The following MYLK variants were observed in gnomAD, a reference collection of about 807,000 sequenced individuals.
MYLK encodes the protein myosin light chain kinase, smooth muscle.
A neutral mutation model predicts 203.4 loss-of-function variants in MYLK; 106 were observed. The ratio of observed to expected loss-of-function variants is 0.52; its 90% CI spans 0.45 to 0.61. The LOEUF (loss-of-function observed/expected upper bound fraction) is 0.61, where lower values mean the gene tolerates loss of function less well. Ranked by LOEUF, MYLK falls within the 20% of genes least tolerant of loss-of-function variation. The pLI, the probability that MYLK is intolerant of heterozygous loss-of-function variation, is 0.00. For missense variants in MYLK, 2,072 were observed against 2,442.3 expected, an observed-to-expected ratio of 0.85 and a Z score of 3.20; for synonymous variants, 867 against 959.5, an observed-to-expected ratio of 0.90 and a Z score of 1.78.
At chr3:123,694,751 G>A (rs933581737) in intron 18 of MYLK, among the ~76,000 whole-genome samples, 5 of 152,266 alleles carry the variant, frequency 3.3e-5, no homozygotes, top group East Asian at 1.9e-4. Flanking sequence ...AAGGCATGGG[G>A]CAGGCAGCTT....
chr3:123,725,336 T>C (rs544182327), intron 12 of MYLK, among the ~76,000 whole-genome samples: 1 of 152,150 alleles, frequency 6.6e-6, no homozygotes, highest in African/African-American at 2.4e-5. Flanking sequence ...ACTGTTGAAA[T>C]TAAATGGTCC....
chr3:123,734,046 G>A lies in MYLK; in HGVS notation c.950C>T (p.Pro317Leu). 6.2e-7 allele frequency: 1 copy of A among 1,614,070 alleles called. No homozygotes were observed. Among genetic ancestry groups the A allele is most frequent in the South Asian group, 1.1e-5 (1 of 91,068 alleles). Residue 317 changes from proline to leucine, a missense_variant, in exon 10 of 34, where the codon CCA (proline) becomes CTA (leucine). Physicochemically the swap from Pro to Leu is moderately conservative, Grantham distance 98. This residue lies in a region of MYLK where 683 missense variants were observed against 643.8 expected (regional missense o/e 1.06). Coordinates refer to ENST00000360304, the MANE Select transcript of MYLK (RefSeq NM_053025.4). ...GCATGACTCCAGCTTGGACTCCCTT[G>A]GGGGCTGAGGCTGGCTGTTTGCAGC... ...PWAANSQPQP[P>L]RESKLESCKD...
rs545806868 is a variant in MYLK at position 123,739,061 on chromosome 3, C to G, written c.424G>C (p.Asp142His). ...GQPVVSKTLGDRFSAPAVETR... is the reference protein window; with the variant it reads ...GQPVVSKTLGHRFSAPAVETR... ...TCCACTGCTGGAGCTGAAAATCTAT[C>G]CCTGTAAGGAAATTGGCAGAGAATC... The change falls in exon 7 of 34, where the codon GAT (aspartate) becomes CAT (histidine). Residue 142 changes from aspartate (D) to histidine (H), a missense_variant and splice_region_variant. Transcript: ENST00000360304. 1 of 1,613,726 alleles carries G rather than the reference C, an allele frequency of 6.2e-7. No homozygotes were observed. Among genetic ancestry groups the G allele is most frequent in the African/African-American group, 1.3e-5 (1 of 75,038 alleles).
chr3:123,665,686 T>G (rs2059711887), intron 22 of MYLK, among the ~76,000 whole-genome samples: 2 of 152,238 alleles, frequency 1.3e-5, no homozygotes, highest in African/African-American at 4.8e-5. Flanking sequence ...CAAACATTGT[T>G]CCATAGGAAC....
intron 18 of MYLK, among the ~76,000 whole-genome samples, chr3:123,696,706 C>A (rs1256560151): frequency 2.6e-5 from 4 of 152,134 alleles, no homozygotes; most frequent in African/African-American, 9.7e-5. Flanking sequence ...GGCTACTACG[C>A]TAGTCTAGGC....
intron 4 of MYLK, among the ~76,000 whole-genome samples, chr3:123,766,334 C>G (rs1482510344): frequency 1.3e-5 from 2 of 152,232 alleles, no homozygotes; most frequent in African/African-American, 4.8e-5. Context: ...ACCACACAGG[C>G]TCCAGGCCGC....
chr3:123,643,828 G>A (rs2058920572), intron 27 of MYLK, among the ~76,000 whole-genome samples: 1 of 152,252 alleles, frequency 6.6e-6, no homozygotes, highest in African/African-American at 2.4e-5. Context: ...CTTGCCCTAT[G>A]GCAGCCAGCT....
At chr3:123,659,196 G>A (rs1042709374) in intron 23 of MYLK, among the ~76,000 whole-genome samples, 3 of 152,208 alleles carry the variant, frequency 2.0e-5, no homozygotes, top group African/African-American at 7.2e-5. Flanking sequence ...GAAGAGGGAT[G>A]GAAGACAGAC....
chr3:123,660,825 T>G (rs1165436564), intron 23 of MYLK, among the ~76,000 whole-genome samples: 1 of 152,244 alleles, frequency 6.6e-6, no homozygotes, highest in Non-Finnish European at 1.5e-5. Flanking sequence ...ATTTTACATC[T>G]GCTTAATAAA....
At chr3:123,766,951 A>G (rs888528826) in intron 4 of MYLK, among the ~76,000 whole-genome samples, 19 of 152,162 alleles carry the variant, frequency 1.2e-4, no homozygotes, top group Non-Finnish European at 4.4e-5. Context: ...GGGGAGCACC[A>G]AAGGGGTCAG....
At position 123,747,686 on chromosome 3, in the gene MYLK, C is replaced by T. The variant is rs76054603; in HGVS notation, c.373+4645G>A. On this transcript the variant is annotated intron_variant, in intron 5 of 33. Coordinates refer to ENST00000360304, the MANE Select transcript of MYLK (RefSeq NM_053025.4). The stretch of plus-strand genomic sequence containing the variant: ...TCAGCATCTGCATTTCAACCAGATT[C>T]GCCAGGTGATTTCTGTGCACATGCA... 2.7e-3 allele frequency among the ~76,000 whole-genome samples: 413 copies of T among 152,330 alleles called. 3 individuals are homozygous for T. The highest frequency in any genetic ancestry group is 7.6e-3 in the African/African-American group (315 of 41,580).
chr3:123,701,262 C>G (rs1264566656), intron 17 of MYLK, among the ~76,000 whole-genome samples, 176 bp downstream of exon 17: 2 of 143,622 alleles, frequency 1.4e-5, no homozygotes, highest in Non-Finnish European at 3.1e-5. Flanking sequence ...AAAAAATCAC[C>G]CCCTCCTTCC....
At chr3:123,756,116 T>C (rs1030778707) in intron 4 of MYLK, among the ~76,000 whole-genome samples, 1 of 152,222 alleles carries the variant, frequency 6.6e-6, no homozygotes, top group Non-Finnish European at 1.5e-5. Context: ...AAATGGCAGA[T>C]TGGAGACCAT....
chr3:123,617,671 T>C (rs1034345773), intron 33 of MYLK: 5 of 152,356 alleles, frequency 3.3e-5, no homozygotes, highest in Middle Eastern at 3.4e-3. Context: ...CTAATAAACT[T>C]CTGTGCTTTA....
intron 29 of MYLK, among the ~76,000 whole-genome samples, 158 bp downstream of exon 29, chr3:123,637,913 C>T (rs1280005472): frequency 6.6e-6 from 1 of 151,776 alleles, no homozygotes; most frequent in East Asian, 2.0e-4. Flanking sequence ...GGTGGGCTGC[C>T]AGGGATAGGA....
At chr3:123,805,414 C>T (rs1270584487) in intron 3 of MYLK, among the ~76,000 whole-genome samples, 3 of 152,058 alleles carry the variant, frequency 2.0e-5, no homozygotes, top group Non-Finnish European at 1.5e-5. Flanking sequence ...AGGAGGGAGC[C>T]GAGACTGGGT....
chr3:123,759,306 G>T (rs113858281), intron 4 of MYLK, among the ~76,000 whole-genome samples: 2 of 152,098 alleles, frequency 1.3e-5, no homozygotes, highest in Admixed American at 1.3e-4. Flanking sequence ...GGTTCTGGCT[G>T]TACTCTCACC....
intron 5 of MYLK, among the ~76,000 whole-genome samples, chr3:123,741,750 A>T (rs140886324): frequency 2.0e-5 from 3 of 152,248 alleles, no homozygotes; most frequent in Non-Finnish European, 4.4e-5. Context: ...CATAAATGTC[A>T]CTCAGTAGGA....
At chr3:123,696,421 G>A (rs940162179) in intron 18 of MYLK, among the ~76,000 whole-genome samples, 1 of 152,030 alleles carries the variant, frequency 6.6e-6, no homozygotes, top group Non-Finnish European at 1.5e-5. Flanking sequence ...CGGGGGCAGG[G>A]CCAGTGCTGA....
Sources: allele counts gnomAD v4.1 joint callset (sites outside exome capture counted in the v4.1 genomes callset), GRCh38; gene constraint gnomAD v4.1.1; regional missense constraint gnomAD v4.1.1; transcripts MANE v1.5; gene names NCBI Gene and HGNC (gene_info 2026-07-23, HGNC 2026-07-21).